AK9: variants seen among roughly 807,000 people sequenced by gnomAD.
AK9 encodes the protein adenylate kinase domain containing 1.
In AK9, 191 loss-of-function variants were observed where a neutral mutation model predicts 239.6. The ratio of observed to expected loss-of-function variants is 0.80; its 90% CI spans 0.71 to 0.90. The LOEUF is 0.90. AK9 is among the 40% of genes least tolerant of loss of function. AK9 has a pLI of 0.00. For missense variants in AK9, 1,995 were observed against 2,214.7 expected (o/e 0.90, Z 1.99); for synonymous variants, 689 against 721.0 (o/e 0.96, Z 0.71).
chr6:109,528,492 C>T (rs1293406418), intron 29 of AK9: 1 of 450,026 alleles, frequency 2.2e-6, no homozygotes, highest in Non-Finnish European at 4.5e-6. Context: ...CTTATTCTTA[C>T]ATGGTGCCAT....
At chr6:109,514,608 T>C (rs1779081286) in intron 31 of AK9, among the ~76,000 whole-genome samples, 171 bp from the exon 32 acceptor site, 1 of 152,242 alleles carries the variant, frequency 6.6e-6, no homozygotes, top group East Asian at 1.9e-4. Flanking sequence ...AAAGTACACA[T>C]TATTTTACAG....
chr6:109,673,646 A>G (rs1193956102), intron 3 of AK9, among the ~76,000 whole-genome samples: 4 of 152,264 alleles, frequency 2.6e-5, no homozygotes, highest in African/African-American at 9.6e-5. Flanking sequence ...AATGTTCCTA[A>G]GAAAAGCTGT....
chr6:109,566,243 G>C (rs9374104), intron 21 of AK9, among the ~76,000 whole-genome samples: 28,026 of 152,004 alleles, frequency 0.18, 3,146 homozygotes, highest in South Asian at 0.34. Context: ...CACGTGTGTG[G>C]GAGTCAGGGT....
chr6:109,619,006 A>G, intron 13 of AK9, 86 bp downstream of exon 13: 1 of 1,395,598 alleles, frequency 7.2e-7, no homozygotes, highest in African/African-American at 1.5e-5. Context: ...GAATGCCAAG[A>G]TGAGCTAAAC....
At chr6:109,642,824 T>C (rs1797625010) in intron 9 of AK9, among the ~76,000 whole-genome samples, 1 of 152,042 alleles carries the variant, frequency 6.6e-6, no homozygotes, top group Non-Finnish European at 1.5e-5. Flanking sequence ...CACACTTAAA[T>C]CTGAAATGAC....
intron 10 of AK9, among the ~76,000 whole-genome samples, 157 bp from the exon 11 acceptor site, chr6:109,633,480 T>C (rs184633524): frequency 6.6e-5 from 10 of 152,350 alleles, no homozygotes; most frequent in African/African-American, 2.2e-4. Flanking sequence ...CATCCTGCAC[T>C]TGTCCTTGAT....
chr6:109,671,561 T>C (rs1770898056), intron 5 of AK9, among the ~76,000 whole-genome samples: 1 of 152,202 alleles, frequency 6.6e-6, no homozygotes, highest in Non-Finnish European at 1.5e-5. Context: ...AAGTGTGGAT[T>C]AATGCAGACA....
At position 109,614,557 on chromosome 6, in the gene AK9, G is replaced by T. The variant is rs939501301; in HGVS notation, c.1400-77C>A. ...ACAGGTAGAGTGACCAAAAGCCCCTGCTTCAAAGTTAGACACAGTTGAGTT... is the reference window on the plus strand; with the variant it reads ...ACAGGTAGAGTGACCAAAAGCCCCTTCTTCAAAGTTAGACACAGTTGAGTT... On this transcript the variant is annotated intron_variant, in intron 13 of 40. Coordinates refer to ENST00000424296, the MANE Select transcript of AK9 (RefSeq NM_001145128.3). 3 of 1,183,212 alleles carry T rather than the reference G, an allele frequency of 2.5e-6. No individual in the cohort carries two copies. In the East Asian group the frequency reaches 7.7e-5, roughly 30 times the overall value. 73.3% of individuals were successfully genotyped at this position (1,183,212 alleles called of 1,614,324 possible). A position where few individuals can be genotyped will look rare whatever the true frequency, so the allele number is the denominator to read the frequency against.
chr6:109,589,044 A>T (rs1378539479), intron 17 of AK9, among the ~76,000 whole-genome samples: 1 of 152,034 alleles, frequency 6.6e-6, no homozygotes, highest in Non-Finnish European at 1.5e-5. Context: ...GCTTAAGTTT[A>T]CTTTGGCTAT....
At chr6:109,630,036 A>T (rs1795956752) in intron 12 of AK9, among the ~76,000 whole-genome samples, 1 of 152,218 alleles carries the variant, frequency 6.6e-6, no homozygotes, top group Non-Finnish European at 1.5e-5. Flanking sequence ...AGACCCTTGC[A>T]CTATCTAAGA....
intron 24 of AK9, 184 bp from the exon 25 acceptor site, chr6:109,550,486 C>T (rs888992245): frequency 5.9e-6 from 3 of 504,676 alleles, no homozygotes; most frequent in Non-Finnish European, 1.0e-5. Flanking sequence ...ACTCTAAGTG[C>T]ACATTCTAAG....
Position 109,550,171 on chromosome 6 carries a change from G to A in AK9, c.2883C>T (p.Ile961=). Residue 961 remains isoleucine, a synonymous_variant, in exon 25 of 41, where the codon ATC becomes ATT. Transcript: ENST00000424296. ...TAGCCTCAGCACTTGAAAAGTAGTA[G>A]ATCTTTTCTCGATACTTGGCTGCTT... ...TEEAAKYREK[I]YYFSSAEAKE... 6.2e-7 allele frequency: 1 copy of A among 1,613,828 alleles called. No individual in the cohort carries two copies. The highest frequency in any genetic ancestry group is 8.5e-7 in the Non-Finnish European group (1 of 1,179,982).
intron 28 of AK9, 85 bp downstream of exon 28, chr6:109,533,166 A>AT: frequency 1.0e-6 from 1 of 1,002,958 alleles, no homozygotes; most frequent in Non-Finnish European, 1.4e-6. Flanking sequence ...TTAGAATACT[A>AT]TATTTTTTGT....
intron 8 of AK9, among the ~76,000 whole-genome samples, chr6:109,650,262 GC>G (rs1798730188): frequency 6.6e-6 from 1 of 151,796 alleles, no homozygotes; most frequent in East Asian, 1.9e-4. Context: ...AAGAGCTTCT[GC>G]ACAGCAAAAG....
At position 109,516,551 on chromosome 6, in the gene AK9, T is replaced by G; in HGVS notation, c.3725A>C (p.Lys1242Thr). 6.4e-7 allele frequency: 1 copy of G among 1,551,614 alleles called. No individual in the cohort carries two copies. Among genetic ancestry groups the G allele is most frequent in the Non-Finnish European group, 8.7e-7 (1 of 1,146,992 alleles). The part of the protein sequence containing the change: ...IENILEDEFP[K>T]DEEEMSGEED... ...CTCGCCACTCATCTCTTCCTCATCT[T>G]TTGGAAACTCATCTTCAAGGATGTT... The change falls in exon 30 of 41, where the codon AAA (lysine) becomes ACA (threonine). Residue 1242 changes from lysine (K) to threonine (T), a missense_variant. Lys to Thr is a moderately conservative substitution (Grantham distance 78). This residue lies in a region of AK9 where 1,290 missense variants were observed against 1,392.7 expected (regional missense o/e 0.93). Coordinates refer to ENST00000424296, the MANE Select transcript of AK9 (RefSeq NM_001145128.3).
At chr6:109,641,715 G>T in intron 9 of AK9, 99 bp from the exon 10 acceptor site, 2 of 991,292 alleles carry the variant, frequency 2.0e-6, no homozygotes, top group Non-Finnish European at 3.0e-6. Flanking sequence ...TGCTCCCCCT[G>T]ACTCTGGGTC....
chr6:109,639,007 T>C (rs1371936899), intron 10 of AK9, among the ~76,000 whole-genome samples: 2 of 152,144 alleles, frequency 1.3e-5, no homozygotes, highest in African/African-American at 4.8e-5. Flanking sequence ...CTGCATAGTA[T>C]TCCATGGTGT....
intron 13 of AK9, among the ~76,000 whole-genome samples, chr6:109,614,825 C>T (rs562528852): frequency 4.6e-5 from 7 of 152,070 alleles, no homozygotes; most frequent in Non-Finnish European, 7.4e-5. Context: ...CAATATTCTC[C>T]ACTGACAAAT....
intron 27 of AK9, among the ~76,000 whole-genome samples, chr6:109,539,392 AAT>A (rs1275501623): frequency 2.0e-5 from 3 of 152,190 alleles, no homozygotes; most frequent in Non-Finnish European, 4.4e-5. Context: ...CAGTTGATCG[AAT>A]TGGCTACTGA....
Sources: allele counts gnomAD v4.1 joint callset (sites outside exome capture counted in the v4.1 genomes callset), GRCh38; gene constraint gnomAD v4.1.1; regional missense constraint gnomAD v4.1.1; transcripts MANE v1.5; gene names NCBI Gene and HGNC (gene_info 2026-07-23, HGNC 2026-07-21).